OSTF1: variants seen among roughly 807,000 people sequenced by gnomAD.
OSTF1 encodes the protein osteoclast stimulating factor 1, also known as osteoclast-stimulating factor 1.
In OSTF1, 27 loss-of-function variants were observed where a neutral mutation model predicts 37.2. The ratio of observed to expected loss-of-function variants is 0.73; its 90% CI spans 0.54 to 1.00. The LOEUF (loss-of-function observed/expected upper bound fraction) is 1.00, where lower values mean the gene tolerates loss of function less well. OSTF1 is among the 50% of genes least tolerant of loss of function. The pLI is 0.00. For synonymous variants in OSTF1, 82 were observed against 89.2 expected, an observed-to-expected ratio of 0.92 and a Z score of 0.46; for missense variants, 232 against 253.8, an observed-to-expected ratio of 0.91 and a Z score of 0.58.
chr9:75,109,746 A>G (rs1195292803), intron 1 of OSTF1, among the ~76,000 whole-genome samples: 1 of 152,214 alleles, frequency 6.6e-6, no homozygotes, highest in Admixed American at 6.5e-5. Context: ...ATGCAACTTA[A>G]GGTCTCAAGG....
intron 1 of OSTF1, among the ~76,000 whole-genome samples, chr9:75,097,845 T>G (rs1402789802): frequency 6.6e-6 from 1 of 150,998 alleles, no homozygotes; most frequent in East Asian, 1.9e-4. Context: ...GACTACTTTA[T>G]GCCTCAGTTT....
At chr9:75,102,476 G>T (rs1334935953) in intron 1 of OSTF1, among the ~76,000 whole-genome samples, 1 of 152,182 alleles carries the variant, frequency 6.6e-6, no homozygotes, top group African/African-American at 2.4e-5. Context: ...TCAAAGTAAG[G>T]ATAAGAAATT....
chr9:75,093,119 T>C (rs1825012295), intron 1 of OSTF1, among the ~76,000 whole-genome samples: 1 of 150,360 alleles, frequency 6.7e-6, no homozygotes, highest in Non-Finnish European at 1.5e-5. Flanking sequence ...GGTCTTGCTC[T>C]CCTGTGCTCA....
intron 7 of OSTF1, 143 bp from the exon 8 acceptor site, chr9:75,137,395 T>C (rs1332814847): frequency 3.4e-6 from 2 of 594,196 alleles, no homozygotes; most frequent in Non-Finnish European, 6.0e-6. Flanking sequence ...TTTCCTTTTC[T>C]CTTTGGAATT....
chr9:75,130,943 C>G (rs1825752936), intron 4 of OSTF1, among the ~76,000 whole-genome samples: 1 of 152,092 alleles, frequency 6.6e-6, no homozygotes, highest in Non-Finnish European at 1.5e-5. Flanking sequence ...TAAACTCAAT[C>G]TTGCAGATAG....
intron 1 of OSTF1, among the ~76,000 whole-genome samples, chr9:75,108,979 A>T (rs989645051): frequency 3.3e-5 from 5 of 151,272 alleles, no homozygotes; most frequent in Non-Finnish European, 7.4e-5. Context: ...TAGTAATAAG[A>T]GTGTAATTTT....
intron 9 of OSTF1, 128 bp from the exon 10 acceptor site, chr9:75,146,555 A>C (rs1014441090): frequency 2.3e-5 from 16 of 683,944 alleles, no homozygotes; most frequent in Non-Finnish European, 3.8e-5. Flanking sequence ...AAAGATCCTC[A>C]GGGAAAGTAC....
chr9:75,118,660 C>T (rs989479720), intron 2 of OSTF1, among the ~76,000 whole-genome samples: 14 of 152,240 alleles, frequency 9.2e-5, no homozygotes, highest in Admixed American at 2.6e-4. Context: ...AGAGGATTAT[C>T]GGACTCACAG....
intron 1 of OSTF1, 97 bp downstream of exon 1, chr9:75,088,823 G>A: frequency 4.8e-6 from 6 of 1,245,180 alleles, no homozygotes; most frequent in Non-Finnish European, 6.9e-6. Flanking sequence ...CGCGCACCCG[G>A]CCCCGAGCCT....
At chr9:75,138,812 A>G (rs1213691021) in intron 8 of OSTF1, among the ~76,000 whole-genome samples, 1 of 152,080 alleles carries the variant, frequency 6.6e-6, no homozygotes, top group Non-Finnish European at 1.5e-5. Flanking sequence ...TATGAGCTCT[A>G]AAGTATAATA....
intron 1 of OSTF1, among the ~76,000 whole-genome samples, chr9:75,102,376 G>A (rs1312865764): frequency 2.0e-5 from 3 of 152,114 alleles, no homozygotes; most frequent in African/African-American, 7.2e-5. Context: ...GTGGTGAATT[G>A]GTAGGTAGTA....
In OSTF1 at chr9:75,102,800, C is replaced by T. The variant is rs182404525; in HGVS notation, c.34+14074C>T. 1.6e-3 allele frequency among the ~76,000 whole-genome samples: 241 copies of T among 152,278 alleles called. 1 individual carries two copies. Among genetic ancestry groups the T allele is most frequent in the Admixed American group, 5.5e-3 (84 of 15,284 alleles). ...TCACAATGAATAACTACTTTTATCT[C>T]CAAAATTAAAGTAGATGTCACCTCC... On this transcript the variant is annotated intron_variant, in intron 1 of 9. Transcript: ENST00000346234.
At chr9:75,109,789 A>G (rs1288777860) in intron 1 of OSTF1, among the ~76,000 whole-genome samples, 3 of 152,246 alleles carry the variant, frequency 2.0e-5, no homozygotes, top group Non-Finnish European at 4.4e-5. Flanking sequence ...AATTAATGCT[A>G]CCACCAAACA....
intron 1 of OSTF1, among the ~76,000 whole-genome samples, chr9:75,102,901 G>A (rs1825218415): frequency 6.6e-6 from 1 of 152,192 alleles, no homozygotes. Flanking sequence ...AGTTTTGTGG[G>A]TGTACTAGGC....
chr9:75,140,764 G>A, intron 8 of OSTF1, 70 bp from the exon 9 acceptor site: 3 of 1,032,448 alleles, frequency 2.9e-6, no homozygotes, highest in East Asian at 2.5e-5. Flanking sequence ...TGTTAGCTGT[G>A]GGGAGAGAGG....
At chr9:75,099,764 G>T (rs1825157079) in intron 1 of OSTF1, among the ~76,000 whole-genome samples, 1 of 152,192 alleles carries the variant, frequency 6.6e-6, no homozygotes, top group Non-Finnish European at 1.5e-5. Flanking sequence ...GGAAGGCGGA[G>T]GTTGCAGTGA....
At chr9:75,137,442 T>G in intron 7 of OSTF1, 96 bp from the exon 8 acceptor site, 1 of 785,612 alleles carries the variant, frequency 1.3e-6, no homozygotes, top group Non-Finnish European at 2.2e-6. Flanking sequence ...ATTTTAGGTT[T>G]AACTTTTAGG....
chr9:75,088,933 A>AATAT (rs528357564), intron 1 of OSTF1, among the ~76,000 whole-genome samples: 46 of 150,230 alleles, frequency 3.1e-4, no homozygotes, highest in African/African-American at 9.5e-4. Flanking sequence ...TTCGAGGATT[A>AATAT]ATATATATAT....
At chr9:75,141,014 C>T (rs966733369) in intron 9 of OSTF1, 82 bp downstream of exon 9, 2 of 1,013,666 alleles carry the variant, frequency 2.0e-6, no homozygotes, top group East Asian at 5.1e-5. Context: ...AAGAGATAAA[C>T]TCAGCTGAGT....
Sources: gnomAD v4.1 joint callset for allele counts (sites outside exome capture counted in the v4.1 genomes callset) on GRCh38, gnomAD v4.1.1 for gene constraint, MANE v1.5 for transcripts, NCBI Gene and HGNC (gene_info 2026-07-23, HGNC 2026-07-21) for gene names.